Variants in TTC17 observed in about 807,000 individuals in gnomAD.
TTC17 encodes tetratricopeptide repeat protein 17.
TTC17 carries 58 observed loss-of-function variants against 143.8 expected under a neutral mutation model. The observed-to-expected ratio is 0.40, with a 90% confidence interval of 0.33 to 0.50. The LOEUF is 0.50. Ranked by LOEUF, TTC17 falls within the 20% of genes least tolerant of loss-of-function variation. TTC17 has a pLI of 0.49. For missense variants in TTC17, 1,273 were observed against 1,392.5 expected (o/e 0.91, Z 1.37); for synonymous variants, 501 against 497.8 (o/e 1.01, Z -0.09).
chr11:43,450,491 CT>C (rs927237989), intron 20 of TTC17, among the ~76,000 whole-genome samples: 15 of 152,144 alleles, frequency 9.9e-5, no homozygotes, highest in African/African-American at 3.4e-4. Flanking sequence ...GTAGTTCTGC[CT>C]TGCCATCAAA....
At chr11:43,416,237 C>T (rs1464780126) in intron 16 of TTC17, among the ~76,000 whole-genome samples, 2 of 151,896 alleles carry the variant, frequency 1.3e-5, no homozygotes, top group East Asian at 1.9e-4. Context: ...TTGTAGGTTA[C>T]CTAAGAACAG....
chr11:43,367,681 C>G (rs918941881), intron 1 of TTC17, among the ~76,000 whole-genome samples: 3 of 151,958 alleles, frequency 2.0e-5, no homozygotes, highest in African/African-American at 7.3e-5. Flanking sequence ...CAGCTGTACT[C>G]CTTGATAGCA....
chr11:43,360,242 C>G (rs1187160754), intron 1 of TTC17, among the ~76,000 whole-genome samples: 1 of 152,172 alleles, frequency 6.6e-6, no homozygotes, highest in Non-Finnish European at 1.5e-5. Flanking sequence ...AAAAATCCGC[C>G]TAGGTATTCA....
intron 3 of TTC17, among the ~76,000 whole-genome samples, chr11:43,390,638 T>TAAAAAAG (rs1857346859): frequency 7.2e-6 from 1 of 139,108 alleles, no homozygotes; most frequent in South Asian, 2.3e-4. Flanking sequence ...AAATAAAAAA[T>TAAAAAAG]AAATAAAAAT....
At chr11:43,390,788 A>G (rs1297028644) in intron 3 of TTC17, among the ~76,000 whole-genome samples, 1 of 152,158 alleles carries the variant, frequency 6.6e-6, no homozygotes, top group Non-Finnish European at 1.5e-5. Flanking sequence ...TACAAATGAA[A>G]ACATTTAGAT....
chr11:43,477,179 C>T (rs1948200290), intron 21 of TTC17, among the ~76,000 whole-genome samples: 1 of 152,204 alleles, frequency 6.6e-6, no homozygotes, highest in African/African-American at 2.4e-5. Flanking sequence ...GCATCTGAGA[C>T]CACCTCAGCC....
At chr11:43,428,316 T>C (rs1277222622) in intron 16 of TTC17, among the ~76,000 whole-genome samples, 2 of 151,784 alleles carry the variant, frequency 1.3e-5, no homozygotes, top group African/African-American at 2.4e-5. Flanking sequence ...AAAAAAAAAA[T>C]AGCTATGTCA....
Position 43,407,536 on chromosome 11 carries a change from A to G in TTC17, c.2023A>G (p.Thr675Ala), listed in dbSNP as rs765049336. 1 of 1,613,994 alleles carries G rather than the reference A, an allele frequency of 6.2e-7. No homozygotes were observed. Among genetic ancestry groups the G allele is most frequent in the Non-Finnish European group, 8.5e-7 (1 of 1,179,964 alleles). ...LIHYGLHLDA[T>A]KLLLQALAIN... is the part of the protein sequence containing the mutation. Reference sequence around the variant, plus strand: ...TCATTACGGCCTTCATCTTGATGCCACTAAGCTGCTACTTCAAGCTTTGGC... The same window carrying G: ...TCATTACGGCCTTCATCTTGATGCCGCTAAGCTGCTACTTCAAGCTTTGGC... Residue 675 changes from threonine to alanine, a missense_variant, in exon 15 of 24, where the codon ACT (threonine) becomes GCT (alanine). Thr to Ala is a moderately conservative substitution (Grantham distance 58, BLOSUM62 0). Around this residue, in one of 3 missense-constraint regions of TTC17, gnomAD observed 878 missense variants for 899.8 expected, o/e 0.98. Coordinates refer to ENST00000039989, the MANE Select transcript of TTC17 (RefSeq NM_018259.6).
At chr11:43,414,467 A>T (rs1946730932) in intron 15 of TTC17, 123 bp from the exon 16 acceptor site, 1 of 936,014 alleles carries the variant, frequency 1.1e-6, no homozygotes, top group African/African-American at 1.6e-5. Flanking sequence ...AATAAAATGG[A>T]TAGTTAGCAA....
chr11:43,401,736 A>T (rs1590360272), intron 10 of TTC17, 178 bp downstream of exon 10: 1 of 492,910 alleles, frequency 2.0e-6, no homozygotes, highest in Non-Finnish European at 3.6e-6. Flanking sequence ...CTCAGCACTT[A>T]GGGAGGCAGA....
chr11:43,395,569 G>C (rs1857555168), intron 5 of TTC17: 1 of 152,152 alleles, frequency 6.6e-6, no homozygotes, highest in Non-Finnish European at 1.5e-5. Flanking sequence ...AGAATGTACT[G>C]TCCTTTAACC....
At chr11:43,379,775 G>A (rs1207483462) in intron 2 of TTC17, among the ~76,000 whole-genome samples, 3 of 152,066 alleles carry the variant, frequency 2.0e-5, no homozygotes, top group East Asian at 1.9e-4. Context: ...TATGGTTGAC[G>A]TGAAAAACAT....
chr11:43,414,801 A>G (rs1051832927), intron 16 of TTC17, 25 bp downstream of exon 16: 1 of 1,604,660 alleles, frequency 6.2e-7, no homozygotes, highest in Non-Finnish European at 8.5e-7. Context: ...AATGCTGACA[A>G]ACTAATGAGC....
chr11:43,451,830 G>A (rs1947663033), intron 21 of TTC17, among the ~76,000 whole-genome samples: 1 of 152,044 alleles, frequency 6.6e-6, no homozygotes, highest in South Asian at 2.1e-4. Flanking sequence ...CTTTATTACT[G>A]TATAATATTA....
At chr11:43,400,124 TG>T (rs1276924756) in intron 9 of TTC17, 76 bp downstream of exon 9, 1 of 1,497,214 alleles carries the variant, frequency 6.7e-7, no homozygotes, top group African/African-American at 1.4e-5. Context: ...ATAACTTTCT[TG>T]TAGCCTTAAA....
In TTC17 at chr11:43,405,908, G is replaced by A. The variant is rs144292009; in HGVS notation, c.1718G>A (p.Arg573His). Residue 573 changes from arginine (R) to histidine (H), a missense_variant, in exon 13 of 24, where the codon CGC becomes CAC. This residue lies in a region of TTC17 where 878 missense variants were observed against 899.8 expected (regional missense o/e 0.98). Coordinates refer to ENST00000039989, the MANE Select transcript of TTC17 (RefSeq NM_018259.6). ...LSYLVKELEV[R>H]MDLKAKMPDD... Reference sequence around the variant, plus strand: ...TACTTAGTCAAAGAATTAGAGGTTCGCATGGATCTGAAAGCCAAAATGCCA... The same window carrying A: ...TACTTAGTCAAAGAATTAGAGGTTCACATGGATCTGAAAGCCAAAATGCCA... 3.0e-5 allele frequency: 48 copies of A among 1,613,592 alleles called. No homozygotes were observed. Among genetic ancestry groups the A allele is most frequent in the African/African-American group, 9.3e-5 (7 of 74,882 alleles).
At chr11:43,415,333 A>G (rs2134626188) in intron 16 of TTC17, among the ~76,000 whole-genome samples, 2 of 152,300 alleles carry the variant, frequency 1.3e-5, no homozygotes, top group East Asian at 3.9e-4. Flanking sequence ...ACCTGGGTAA[A>G]GCTAATATCT....
At chr11:43,460,043 G>A (rs1947836068) in intron 21 of TTC17, among the ~76,000 whole-genome samples, 1 of 151,938 alleles carries the variant, frequency 6.6e-6, no homozygotes, top group African/African-American at 2.4e-5. Context: ...TAACAAGGTT[G>A]TATTGCATGT....
chr11:43,379,890 T>G (rs1053942082), intron 2 of TTC17, among the ~76,000 whole-genome samples: 2 of 152,204 alleles, frequency 1.3e-5, no homozygotes, highest in Admixed American at 1.3e-4. Context: ...TTCCATAAAT[T>G]GATTTTGCTT....
Sources: allele counts gnomAD v4.1 joint callset (sites outside exome capture counted in the v4.1 genomes callset), GRCh38; gene constraint gnomAD v4.1.1; regional missense constraint gnomAD v4.1.1; transcripts MANE v1.5; gene names NCBI Gene and HGNC (gene_info 2026-07-23, HGNC 2026-07-21).